Variants in MOXD1 observed in about 807,000 individuals in gnomAD.
MOXD1 encodes DBH-like monooxygenase protein 1.
MOXD1 carries 62 observed loss-of-function variants against 66.6 expected under a neutral mutation model. The ratio of observed to expected loss-of-function variants is 0.93; its 90% CI spans 0.76 to 1.15. The LOEUF is 1.15. MOXD1 is among the 50% of genes most tolerant of loss of function. MOXD1 has a pLI of 0.00. For missense variants in MOXD1, 847 were observed against 754.6 expected, an observed-to-expected ratio of 1.12 and a Z score of -1.44; for synonymous variants, 303 against 281.9, an observed-to-expected ratio of 1.07 and a Z score of -0.75.
rs571664885 is a variant in MOXD1 at position 132,385,394 on chromosome 6, C to T, written c.265-10617G>A. On this transcript the variant is annotated intron_variant, in intron 1 of 11. Transcript: ENST00000367963. ...CCAGTCAGAAAACATTCTTTTCCCT[C>T]TTTTAATTATTTTTTCAGATTTCAA... Among the ~76,000 whole-genome samples the T allele has an allele frequency of 1.1e-4, 16 of 151,876 alleles. No individual in the cohort carries two copies. The South Asian group carries it at 3.1e-3, about 30-fold the overall frequency.
intron 1 of MOXD1, among the ~76,000 whole-genome samples, chr6:132,398,832 G>A (rs1056690434): frequency 1.3e-5 from 2 of 150,816 alleles, no homozygotes; most frequent in South Asian, 2.1e-4. Flanking sequence ...CCAGCTACTC[G>A]GGAGGCTGAG....
chr6:132,393,908 T>G (rs1776820345), intron 1 of MOXD1, among the ~76,000 whole-genome samples: 2 of 152,164 alleles, frequency 1.3e-5, no homozygotes, highest in Admixed American at 6.5e-5. Flanking sequence ...GCTTGCCCAG[T>G]TCATCATGGA....
intron 4 of MOXD1, among the ~76,000 whole-genome samples, chr6:132,360,823 A>C (rs1231750557): frequency 6.6e-6 from 1 of 152,196 alleles, no homozygotes; most frequent in African/African-American, 2.4e-5. Context: ...CTTCCTCACG[A>C]TTTACAGGTG....
intron 1 of MOXD1, among the ~76,000 whole-genome samples, chr6:132,390,046 C>T (rs1159883643): frequency 5.3e-5 from 8 of 151,332 alleles, no homozygotes; most frequent in Non-Finnish European, 1.5e-5. Context: ...AAGAGAAATA[C>T]ATCAACGCCT....
intron 4 of MOXD1, among the ~76,000 whole-genome samples, chr6:132,342,983 T>C (rs993543434): frequency 6.6e-6 from 1 of 152,148 alleles, no homozygotes; most frequent in Non-Finnish European, 1.5e-5. Flanking sequence ...TACAGGAACA[T>C]AACTCCACAT....
chr6:132,315,740 T>C lies in MOXD1; in HGVS notation c.1403A>G (p.Tyr468Cys). Residue 468 changes from tyrosine (Y) to cysteine (C), a missense_variant, in exon 10 of 12, where the codon TAC becomes TGC. Coordinates refer to ENST00000367963, the MANE Select transcript of MOXD1 (RefSeq NM_015529.4). The part of the protein sequence containing the change: ...LSTRSEMCLS[Y>C]LLYYPRINLT... ...ATTAATTCTTGGGTAATAAAGAAGG[T>C]ATGAGAGACACATTTCACTCCTGGT... 1 of 1,613,514 alleles carries C rather than the reference T, an allele frequency of 6.2e-7. No homozygotes were observed. Among genetic ancestry groups the C allele is most frequent in the Non-Finnish European group, 8.5e-7 (1 of 1,179,594 alleles).
chr6:132,297,641 C>G, intron 11 of MOXD1, 146 bp downstream of exon 11: 1 of 990,442 alleles, frequency 1.0e-6, no homozygotes. Flanking sequence ...TCAGTCAATC[C>G]AAGTAATCAT....
At chr6:132,312,192 A>T (rs753864708) in intron 10 of MOXD1, among the ~76,000 whole-genome samples, 8 of 152,072 alleles carry the variant, frequency 5.3e-5, no homozygotes, top group Non-Finnish European at 1.0e-4. Flanking sequence ...AGACAATAAA[A>T]TTGAGACAAG....
Position 132,382,070 on chromosome 6 carries a change from C to T in MOXD1, c.265-7293G>A, listed in dbSNP as rs148718973. ...AAATAGAAATATTGATCACTGTGCA[C>T]TCTCGTTGTCATGGCCTGATATCAC... On this transcript the variant is annotated intron_variant, in intron 1 of 11. Transcript: ENST00000367963. 1.4e-3 allele frequency among the ~76,000 whole-genome samples: 207 copies of T among 152,148 alleles called. 1 individual carries two copies. Among genetic ancestry groups the T allele is most frequent in the African/African-American group, 4.5e-3 (186 of 41,552 alleles).
rs549539497 is a variant in MOXD1 at position 132,323,793 on chromosome 6, C to T, written c.1113+138G>A. 1.6e-4 allele frequency: 154 copies of T among 937,270 alleles called. No homozygotes were observed. In the African/African-American group the frequency reaches 1.9e-3, roughly 11 times the overall value. The allele number at this position is 937,270 out of a possible 1,614,324, so 58.1% of individuals were successfully genotyped here. A position where few individuals can be genotyped will look rare whatever the true frequency, so the allele number is the denominator to read the frequency against. On this transcript the variant is annotated intron_variant, in intron 7 of 11. Transcript: ENST00000367963. ...TTTAAAAAAGCAGTCAAAAGTCCTA[C>T]TAAAATTGCGATAAGGGTTTCACAG...
At chr6:132,370,610 C>G (rs1216462222) in intron 4 of MOXD1, among the ~76,000 whole-genome samples, 2 of 151,958 alleles carry the variant, frequency 1.3e-5, no homozygotes, top group Non-Finnish European at 2.9e-5. Context: ...AACCTCTGTC[C>G]CCTGTAACAA....
At chr6:132,395,115 C>G (rs1776842840) in intron 1 of MOXD1, among the ~76,000 whole-genome samples, 2 of 151,932 alleles carry the variant, frequency 1.3e-5, no homozygotes, top group Non-Finnish European at 2.9e-5. Flanking sequence ...ACAGCAGAAA[C>G]CTTATAGACT....
At chr6:132,323,783 A>C in intron 7 of MOXD1, 148 bp downstream of exon 7, 1 of 852,606 alleles carries the variant, frequency 1.2e-6, no homozygotes, top group East Asian at 2.9e-5. Flanking sequence ...AAAAGCAGTC[A>C]AAAGTCCTAC....
At chr6:132,323,874 G>A (rs936722051) in intron 7 of MOXD1, 57 bp downstream of exon 7, 2 of 1,478,034 alleles carry the variant, frequency 1.4e-6, no homozygotes, top group African/African-American at 1.4e-5. Context: ...TCACACCACA[G>A]TTTCTAAGAG....
At position 132,328,414 on chromosome 6, in the gene MOXD1, C is replaced by G. The variant is rs1377316991; in HGVS notation, c.843+1G>C. The G allele has an allele frequency of 6.2e-7, 1 of 1,613,868 alleles. No individual in the cohort carries two copies. Among genetic ancestry groups the G allele is most frequent in the Non-Finnish European group, 8.5e-7 (1 of 1,179,966 alleles). On this transcript the variant is annotated splice_donor_variant, in intron 5 of 11. Coordinates refer to ENST00000367963, the MANE Select transcript of MOXD1 (RefSeq NM_015529.4). LOFTEE classifies it high-confidence loss of function. ...TACATCTCAGTAATCATTAGCCCCA[C>G]CTCTCCACCAATAGCCCAGGCAAAA...
At chr6:132,305,144 T>C (rs1372095697) in intron 10 of MOXD1, among the ~76,000 whole-genome samples, 1 of 152,190 alleles carries the variant, frequency 6.6e-6, no homozygotes, top group Non-Finnish European at 1.5e-5. Flanking sequence ...GCAGCATCCA[T>C]CTCTATAGCT....
intron 10 of MOXD1, among the ~76,000 whole-genome samples, chr6:132,306,543 C>T (rs1774692116): frequency 6.6e-6 from 1 of 151,878 alleles, no homozygotes. Flanking sequence ...GAAGATCAAC[C>T]CCAAGACACA....
chr6:132,358,541 A>G (rs1775951945), intron 4 of MOXD1, among the ~76,000 whole-genome samples: 1 of 152,240 alleles, frequency 6.6e-6, no homozygotes, highest in Non-Finnish European at 1.5e-5. Context: ...CAATATTTTA[A>G]AAGCATTTTC....
At chr6:132,299,361 C>G (rs1774478950) in intron 10 of MOXD1, among the ~76,000 whole-genome samples, 1 of 152,150 alleles carries the variant, frequency 6.6e-6, no homozygotes, top group Non-Finnish European at 1.5e-5. Context: ...CATTCATACT[C>G]TAAACCTCAG....
Sources: gnomAD v4.1 joint callset for allele counts (sites outside exome capture counted in the v4.1 genomes callset) on GRCh38, gnomAD v4.1.1 for gene constraint, MANE v1.5 for transcripts, NCBI Gene and HGNC (gene_info 2026-07-23, HGNC 2026-07-21) for gene names.